USP13: variants seen among roughly 807,000 people sequenced by gnomAD.
The protein encoded by USP13 is ubiquitin specific peptidase 13, also known as ubiquitin carboxyl-terminal hydrolase 13.
A neutral mutation model predicts 107.8 loss-of-function variants in USP13; 68 were observed. That is an observed-to-expected ratio of 0.63 (90% CI 0.52 to 0.77). USP13 has a LOEUF of 0.77. Ranked by LOEUF, USP13 falls within the 30% of genes least tolerant of loss-of-function variation. The pLI is 0.00. For missense variants in USP13, 945 were observed against 1,093.3 expected (o/e 0.86, Z 1.91); for synonymous variants, 377 against 389.5 (o/e 0.97, Z 0.38).
At chr3:179,658,155 T>C (rs1037689702) in intron 1 of USP13, among the ~76,000 whole-genome samples, 9 of 152,136 alleles carry the variant, frequency 5.9e-5, no homozygotes, top group Non-Finnish European at 1.2e-4. Flanking sequence ...GGGGTTTCAC[T>C]ATGTTGGCCA....
At chr3:179,758,623 C>T (rs747777987) in intron 16 of USP13, among the ~76,000 whole-genome samples, 32 of 151,740 alleles carry the variant, frequency 2.1e-4, no homozygotes, top group Admixed American at 9.8e-4. Flanking sequence ...CTCAGCCTCC[C>T]GAGTAGCTGG....
chr3:179,691,264 C>T (rs986684277), intron 3 of USP13, among the ~76,000 whole-genome samples: 2 of 151,888 alleles, frequency 1.3e-5, no homozygotes, highest in Admixed American at 1.3e-4. Context: ...TTCTCCCGCT[C>T]ATGTCCTTTC....
At chr3:179,661,339 A>G (rs1187136633) in intron 1 of USP13, among the ~76,000 whole-genome samples, 2 of 152,222 alleles carry the variant, frequency 1.3e-5, no homozygotes, top group Non-Finnish European at 2.9e-5. Context: ...TAGCTCAACC[A>G]TAGATGTCAT....
chr3:179,684,832 A>T, intron 2 of USP13, among the ~76,000 whole-genome samples: 2 of 145,180 alleles, frequency 1.4e-5, no homozygotes, highest in Non-Finnish European at 1.5e-5. Flanking sequence ...TTTTTCCAGA[A>T]TTTTCCTGGG....
chr3:179,657,686 C>G (rs868236573), intron 1 of USP13, among the ~76,000 whole-genome samples: 2 of 142,944 alleles, frequency 1.4e-5, no homozygotes, highest in South Asian at 4.5e-4. Context: ...ATCGCTTGAA[C>G]CTGGGAGGCA....
intron 19 of USP13, among the ~76,000 whole-genome samples, chr3:179,778,246 A>G (rs1715614548): frequency 6.6e-6 from 1 of 152,212 alleles, no homozygotes; most frequent in Non-Finnish European, 1.5e-5. Context: ...TATATACACT[A>G]TAAGAAGATA....
intron 2 of USP13, among the ~76,000 whole-genome samples, chr3:179,683,541 G>A (rs1711750973): frequency 6.6e-6 from 1 of 152,206 alleles, no homozygotes. Context: ...ATCTTACGTG[G>A]ATGGTAGCAG....
chr3:179,658,679 G>A lies in USP13; in HGVS notation c.168+5286G>A, dbSNP rs575997138. On this transcript the variant is annotated intron_variant, in intron 1 of 20. Coordinates refer to ENST00000263966, the MANE Select transcript of USP13 (RefSeq NM_003940.3). Reference sequence around the variant, plus strand: ...CTAAACCTCACTGGGGACTCCTTGGGTAACTGCAGAATGTGCCTCAGAATT... The same window carrying A: ...CTAAACCTCACTGGGGACTCCTTGGATAACTGCAGAATGTGCCTCAGAATT... 2.6e-5 allele frequency among the ~76,000 whole-genome samples: 4 copies of A among 152,326 alleles called. No homozygotes were observed. In the South Asian group the frequency reaches 8.3e-4, roughly 32 times the overall value.
At position 179,765,830 on chromosome 3, in the gene USP13, G is replaced by C; in HGVS notation, c.2395G>C (p.Val799Leu). Residue 799 changes from valine (V) to leucine (L), a missense_variant, in exon 19 of 21, where the codon GTC becomes CTC. By Grantham distance (32) the Val-to-Leu change is conservative. Coordinates refer to ENST00000263966, the MANE Select transcript of USP13 (RefSeq NM_003940.3). ...TGAGGCCAAGCCCGAAGGACCTAGA[G>C]TCAAGGATGGATCTGGAAGTAAGTT... ...ISEAKPEGPRVKDGSGTYELF... is the reference protein window; with the variant it reads ...ISEAKPEGPRLKDGSGTYELF... 3 of 1,614,162 alleles carry C rather than the reference G, an allele frequency of 1.9e-6. No homozygotes were observed. Among genetic ancestry groups the C allele is most frequent in the Non-Finnish European group, 2.5e-6 (3 of 1,180,024 alleles).
intron 17 of USP13, among the ~76,000 whole-genome samples, chr3:179,761,563 G>C (rs543234239): frequency 6.6e-6 from 1 of 151,902 alleles, no homozygotes. Flanking sequence ...CTCTACTAAA[G>C]ATACAAAAAT....
intron 1 of USP13, among the ~76,000 whole-genome samples, chr3:179,675,261 A>G (rs1173901489): frequency 1.3e-5 from 2 of 149,062 alleles, no homozygotes; most frequent in Non-Finnish European, 2.9e-5. Context: ...TGCTCTTTTT[A>G]GTTTTGTAAT....
intron 13 of USP13, among the ~76,000 whole-genome samples, chr3:179,748,464 C>T (rs1439318863): frequency 1.3e-5 from 2 of 152,106 alleles, no homozygotes; most frequent in African/African-American, 2.4e-5. Flanking sequence ...TCTTTTGTTA[C>T]ACCCAGAGCC....
chr3:179,733,539 TC>T (rs1713879590), intron 10 of USP13, among the ~76,000 whole-genome samples: 1 of 152,188 alleles, frequency 6.6e-6, no homozygotes, highest in Non-Finnish European at 1.5e-5. Context: ...TTTCCTTTTC[TC>T]AGTTATCAGA....
chr3:179,743,270 G>A (rs1282194438), intron 12 of USP13, among the ~76,000 whole-genome samples: 1 of 152,116 alleles, frequency 6.6e-6, no homozygotes, highest in Non-Finnish European at 1.5e-5. Context: ...GGGGAAAGGG[G>A]AGAGAACTTA....
At position 179,737,763 on chromosome 3, in the gene USP13, G is replaced by C. The variant is rs550350058; in HGVS notation, c.1255-2484G>C. Among the ~76,000 whole-genome samples, 4 of 152,348 alleles carry C rather than the reference G, an allele frequency of 2.6e-5. No homozygotes were observed. The South Asian group carries it at 6.2e-4, about 24-fold the overall frequency. On this transcript the variant is annotated intron_variant, in intron 10 of 20. Coordinates refer to ENST00000263966, the MANE Select transcript of USP13 (RefSeq NM_003940.3). Reference sequence around the variant, plus strand: ...CTACCAGTGGTGTTTCAGGTCCTCTGTGGTGTTCCCTAACATTTGTTATCG... The same window carrying C: ...CTACCAGTGGTGTTTCAGGTCCTCTCTGGTGTTCCCTAACATTTGTTATCG...
At chr3:179,740,859 T>C (rs571995474) in intron 11 of USP13, among the ~76,000 whole-genome samples, 10 of 150,098 alleles carry the variant, frequency 6.7e-5, no homozygotes, top group Non-Finnish European at 1.5e-4. Flanking sequence ...CTCTGCCTCC[T>C]GGGTTCAAGC....
At chr3:179,774,805 G>A (rs930824631) in intron 19 of USP13, among the ~76,000 whole-genome samples, 7 of 152,286 alleles carry the variant, frequency 4.6e-5, no homozygotes, top group Admixed American at 4.6e-4. Flanking sequence ...TTTACAGAGA[G>A]CTGATTGGTC....
At chr3:179,765,212 C>G (rs1576987675) in intron 18 of USP13, among the ~76,000 whole-genome samples, 1 of 152,292 alleles carries the variant, frequency 6.6e-6, no homozygotes, top group South Asian at 2.1e-4. Context: ...GGAATTCAAA[C>G]ATTTTACCAA....
intron 19 of USP13, among the ~76,000 whole-genome samples, chr3:179,768,187 CG>C (rs1715237157): frequency 6.6e-6 from 1 of 152,166 alleles, no homozygotes; most frequent in Non-Finnish European, 1.5e-5. Flanking sequence ...TGAGTCCCTG[CG>C]GAAGGAATTA....
Sources: gnomAD v4.1 joint callset for allele counts (sites outside exome capture counted in the v4.1 genomes callset) on GRCh38, gnomAD v4.1.1 for gene constraint, MANE v1.5 for transcripts, NCBI Gene and HGNC (gene_info 2026-07-23, HGNC 2026-07-21) for gene names.